Variants in LMF1 observed in about 807,000 individuals in gnomAD.
LMF1 encodes transmembrane protein 112.
In LMF1, 68 loss-of-function variants were observed where a neutral mutation model predicts 60.6. That is an observed-to-expected ratio of 1.12 (90% CI 0.92 to 1.37). The LOEUF (loss-of-function observed/expected upper bound fraction) is 1.37. Among genes scored for constraint, LMF1 ranks in the 40% most tolerant of loss-of-function variants. LMF1 has a pLI of 0.00. For synonymous variants in LMF1, 418 were observed against 324.7 expected, an observed-to-expected ratio of 1.29 and a Z score of -3.09; for missense variants, 948 against 767.2, an observed-to-expected ratio of 1.24 and a Z score of -2.78.
At chr16:948,051 CAG>C (rs1233421593) in intron 2 of LMF1, among the ~76,000 whole-genome samples, 2 of 149,500 alleles carry the variant, frequency 1.3e-5, no homozygotes, top group African/African-American at 2.5e-5. Flanking sequence ...CAGCCAATGA[CAG>C]AGTCAGCCAA....
chr16:890,667 A>T (rs1300008859), intron 5 of LMF1, among the ~76,000 whole-genome samples: 1 of 152,228 alleles, frequency 6.6e-6, no homozygotes. Context: ...AAGCTCAGCC[A>T]TGTGGGCACA....
chr16:916,359 C>T (rs1435533405), intron 3 of LMF1, among the ~76,000 whole-genome samples: 1 of 152,224 alleles, frequency 6.6e-6, no homozygotes, highest in African/African-American at 2.4e-5. Flanking sequence ...TCACTCAGCT[C>T]TGCGCCGGGC....
chr16:926,996 AC>A (rs1374489534), intron 3 of LMF1, among the ~76,000 whole-genome samples: 2 of 151,494 alleles, frequency 1.3e-5, no homozygotes, highest in African/African-American at 2.4e-5. Context: ...GCCAAGAAAC[AC>A]CCCGAGACCC....
At chr16:913,315 T>C (rs4984979) in intron 3 of LMF1, among the ~76,000 whole-genome samples, 66,576 of 151,896 alleles carry the variant, frequency 0.44, 16,304 homozygotes, top group African/African-American at 0.66. Flanking sequence ...CAGTAGCTCT[T>C]GTGGGGAACA....
At chr16:971,191 A>C (rs1204173493), upstream of LMF1, among the ~76,000 whole-genome samples, 1 of 151,822 alleles carries the variant, frequency 6.6e-6, no homozygotes, top group South Asian at 2.1e-4. Flanking sequence ...CCTCCTTCGC[A>C]GTTCTCGCTG....
At chr16:976,101 G>C (rs753587697) in intron 1 of LMF1, 1 of 453,918 alleles carries the variant, frequency 2.2e-6, no homozygotes, top group African/African-American at 2.0e-5. Flanking sequence ...GATTTTTCTG[G>C]AGTCAGTCCT....
chr16:875,211 G>A (rs1326919294), intron 6 of LMF1, among the ~76,000 whole-genome samples: 9 of 152,116 alleles, frequency 5.9e-5, no homozygotes, highest in Non-Finnish European at 1.2e-4. Context: ...GCCCAGCTCT[G>A]TCCCCTCCCC....
At position 892,998 on chromosome 16, in the gene LMF1, C is replaced by A; in HGVS notation, c.729+9G>T. On this transcript the variant is annotated intron_variant, in intron 5 of 10. Coordinates refer to ENST00000262301, the MANE Select transcript of LMF1 (RefSeq NM_022773.4). ...GGTGCCCTGCCCTCACGCTGCACGG[C>A]ACGCTCACCTCATAGTGGAAGTCCA... 1 of 1,546,204 alleles carries A rather than the reference C, an allele frequency of 6.5e-7. No individual in the cohort carries two copies. The highest frequency in any genetic ancestry group is 8.7e-7 in the Non-Finnish European group (1 of 1,143,592).
chr16:977,017 G>T, intron 1 of LMF1: 3 of 454,224 alleles, frequency 6.6e-6, no homozygotes, highest in Non-Finnish European at 1.3e-5. Flanking sequence ...GGAGGACCAG[G>T]AGGACGTCTG....
chr16:954,793 GC>G, intron 1 of LMF1, 127 bp from the exon 2 acceptor site: 1 of 840,312 alleles, frequency 1.2e-6, no homozygotes, highest in Non-Finnish European at 1.8e-6. Context: ...ACGGTTTGGG[GC>G]CAAACCCTAG....
intron 10 of LMF1, among the ~76,000 whole-genome samples, chr16:860,656 C>G (rs1292502545): frequency 6.6e-6 from 1 of 152,070 alleles, no homozygotes; most frequent in Middle Eastern, 3.2e-3. Flanking sequence ...AGTTGATTGT[C>G]TTATGCTTTA....
At chr16:856,966 C>T (rs942086688) in intron 10 of LMF1, among the ~76,000 whole-genome samples, 3 of 152,270 alleles carry the variant, frequency 2.0e-5, no homozygotes, top group African/African-American at 4.8e-5. Flanking sequence ...ACACCCTCCC[C>T]GACCTTCGGC....
chr16:966,443 C>T (rs144384994), intron 1 of LMF1, among the ~76,000 whole-genome samples: 205 of 152,360 alleles, frequency 1.3e-3, no homozygotes, highest in Non-Finnish European at 2.1e-3. Context: ...AGTGTCTCTG[C>T]GCCGACGCCA....
intron 3 of LMF1, among the ~76,000 whole-genome samples, chr16:931,490 G>A (rs191507314): frequency 4.6e-5 from 7 of 152,374 alleles, no homozygotes; most frequent in Non-Finnish European, 1.0e-4. Flanking sequence ...CGGCTCGGAT[G>A]AGCTGAGGAA....
Position 879,753 on chromosome 16 carries a change from G to A in LMF1, c.730-16C>T, listed in dbSNP as rs1168020003. 6.4e-7 allele frequency: 1 copy of A among 1,565,766 alleles called. No individual in the cohort carries two copies. Among genetic ancestry groups the A allele is most frequent in the South Asian group, 1.2e-5 (1 of 85,362 alleles). On this transcript the variant is annotated splice_polypyrimidine_tract_variant and intron_variant, in intron 5 of 10. Coordinates refer to ENST00000262301, the MANE Select transcript of LMF1 (RefSeq NM_022773.4). ...TCGGCTGGGTCTGCAGGGACAGGAG[G>A]GGCCGTGAGGTGCCTGGCCGATCTC...
Position 869,030 on chromosome 16 carries a change from G to C in LMF1, c.1443C>G (p.Ile481Met), listed in dbSNP as rs372490098. 2 of 1,612,420 alleles carry C rather than the reference G, an allele frequency of 1.2e-6. No individual in the cohort carries two copies. The highest frequency in any genetic ancestry group is 2.7e-5 in the African/African-American group (2 of 74,930). ...FQTYEHNDWI[I>M]HLAGKLLASD... ...TGGCCAGGAGCTTGCCAGCCAGGTG[G>C]ATGATCCAGTCGTTGTGCTCGTAGG... The change falls in exon 10 of 11, where the codon ATC (isoleucine) becomes ATG (methionine). Residue 481 changes from isoleucine (I) to methionine (M), a missense_variant. Coordinates refer to ENST00000262301, the MANE Select transcript of LMF1 (RefSeq NM_022773.4).
chr16:968,093 CA>C (rs1361861172), intron 1 of LMF1, among the ~76,000 whole-genome samples: 3 of 152,216 alleles, frequency 2.0e-5, no homozygotes, highest in Non-Finnish European at 4.4e-5. Flanking sequence ...GTGCAGTGAG[CA>C]CACCCCTAGC....
At chr16:942,769 G>A (rs1239065273) in intron 2 of LMF1, among the ~76,000 whole-genome samples, 2 of 149,456 alleles carry the variant, frequency 1.3e-5, no homozygotes, top group Non-Finnish European at 3.0e-5. Flanking sequence ...TCTCTGTGGG[G>A]CTCCAATCAC....
chr16:897,671 TGGGTGGAAACCGTGTCTCA>T lies in LMF1; in HGVS notation c.664-4618_664-4600del, dbSNP rs2151737355. Among the ~76,000 whole-genome samples the T allele has an allele frequency of 6.6e-6, 1 of 151,886 alleles. No homozygotes were observed. Among genetic ancestry groups the T allele is most frequent in the African/African-American group, 2.4e-5 (1 of 41,396 alleles). ...CCCCGAGTGCTCTGAGAGCTGGGGGTGGGTGGAAACCGTGTCTCAGGGTGAAGGGACCGCTGGTGGGCTC... is the reference window on the plus strand; with the variant it reads ...CCCCGAGTGCTCTGAGAGCTGGGGGTGGGTGAAGGGACCGCTGGTGGGCTC... On this transcript the variant is annotated intron_variant, in intron 4 of 10. Coordinates refer to ENST00000262301, the MANE Select transcript of LMF1 (RefSeq NM_022773.4). This position sits in a 1 kb window ranked among gnomAD's most constrained non-coding sequence, Gnocchi z 4.3.
Sources: gnomAD v4.1 joint callset for allele counts (sites outside exome capture counted in the v4.1 genomes callset) on GRCh38, gnomAD v4.1.1 for gene constraint, Gnocchi (gnomAD v3.1) non-coding constraint, MANE v1.5 for transcripts, NCBI Gene and HGNC (gene_info 2026-07-23, HGNC 2026-07-21) for gene names.